PPM1B: variants seen among roughly 807,000 people sequenced by gnomAD.
PPM1B encodes protein phosphatase 1B.
A neutral mutation model predicts 43.0 loss-of-function variants in PPM1B; 22 were observed. The observed-to-expected ratio is 0.51, with a 90% CI of 0.37 to 0.73. The LOEUF (loss-of-function observed/expected upper bound fraction) is 0.73, where lower values mean the gene tolerates loss of function less well. Among genes scored for constraint, PPM1B ranks in the 30% least tolerant of loss-of-function variants. The pLI is 0.00. For missense variants in PPM1B, 632 were observed against 584.2 expected (o/e 1.08, Z -0.84); for synonymous variants, 217 against 197.9 (o/e 1.10, Z -0.81).
intron 3 of PPM1B, among the ~76,000 whole-genome samples, chr2:44,214,039 C>T (rs28524032): frequency 0.037 from 5,609 of 152,212 alleles, 327 homozygotes; most frequent in African/African-American, 0.12. Flanking sequence ...CCTCAAGGCA[C>T]CAGTTTCTTT....
chr2:44,172,818 G>A (rs1667409842), intron 1 of PPM1B, among the ~76,000 whole-genome samples: 1 of 152,126 alleles, frequency 6.6e-6, no homozygotes, highest in Non-Finnish European at 1.5e-5. Flanking sequence ...GAGGTGGGAG[G>A]ATCGCTTGAG....
chr2:44,239,506 A>G (rs370910729), downstream of PPM1B, among the ~76,000 whole-genome samples: 150 of 152,142 alleles, frequency 9.9e-4, 4 homozygotes, highest in South Asian at 0.025. Context: ...TGTTTAGGAA[A>G]TCATCCTCAT....
At chr2:44,194,074 A>G (rs1668538448) in intron 1 of PPM1B, among the ~76,000 whole-genome samples, 2 of 152,168 alleles carry the variant, frequency 1.3e-5, no homozygotes, top group Non-Finnish European at 2.9e-5. Context: ...TGGTTCATGA[A>G]TAGAATACTT....
chr2:44,218,150 TAAATC>T (rs1484939373), intron 4 of PPM1B, 72 bp downstream of exon 4: 22 of 1,131,498 alleles, frequency 1.9e-5, no homozygotes, highest in South Asian at 1.5e-4. Flanking sequence ...TAAAAAAACT[TAAATC>T]AGAAGTACAT....
At chr2:44,207,790 C>A (rs1669257885) in intron 2 of PPM1B, among the ~76,000 whole-genome samples, 1 of 151,802 alleles carries the variant, frequency 6.6e-6, no homozygotes, top group Non-Finnish European at 1.5e-5. Context: ...GCCATGATGC[C>A]CAGGCTGGTC....
chr2:44,222,794 C>T (rs1433227439), intron 5 of PPM1B, among the ~76,000 whole-genome samples: 2 of 152,062 alleles, frequency 1.3e-5, no homozygotes, highest in Non-Finnish European at 2.9e-5. Flanking sequence ...AATCATTTCC[C>T]ATTCTTTTGT....
chr2:44,195,672 G>C (rs1205013268), intron 1 of PPM1B, among the ~76,000 whole-genome samples: 2 of 152,190 alleles, frequency 1.3e-5, no homozygotes, highest in Admixed American at 6.5e-5. Flanking sequence ...GCAAGATCCT[G>C]TCTCTAAAAA....
chr2:44,191,745 A>C (rs1195140404), intron 1 of PPM1B, among the ~76,000 whole-genome samples: 2 of 152,080 alleles, frequency 1.3e-5, no homozygotes, highest in African/African-American at 4.8e-5. Flanking sequence ...AATTATATGC[A>C]TTTTTATTCT....
downstream of PPM1B, chr2:44,232,318 T>A: frequency 1.2e-6 from 2 of 1,606,362 alleles, no homozygotes; most frequent in Non-Finnish European, 1.7e-6. Context: ...TCCTGTAGGG[T>A]GCTGGAGATC....
chr2:44,193,305 G>T (rs1386421066), intron 1 of PPM1B, among the ~76,000 whole-genome samples: 1 of 152,146 alleles, frequency 6.6e-6, no homozygotes, highest in African/African-American at 2.4e-5. Flanking sequence ...TTTCCCTGAT[G>T]ATTAGTGAGG....
In PPM1B at chr2:44,218,537, G is replaced by T; in HGVS notation, c.1134G>T (p.Gly378=). The T allele has an allele frequency of 6.4e-7, 1 of 1,572,024 alleles. No individual in the cohort carries two copies. Among genetic ancestry groups the T allele is most frequent in the South Asian group, 1.2e-5 (1 of 83,988 alleles). Residue 378 remains glycine, a splice_region_variant and synonymous_variant, in exon 5 of 6, where the codon GGG becomes GGT. Coordinates refer to ENST00000282412, the MANE Select transcript of PPM1B (RefSeq NM_002706.6). ...TGAATCCACATAGAGAAAGTGATGG[G>T]GTAAGTTTTATTTTATTTCATAAGC... ...SRLNPHRESD[G]ASDEAEESGS... is the part of the protein sequence containing the mutation.
At chr2:44,228,953 C>T (rs1670349295) in intron 5 of PPM1B, among the ~76,000 whole-genome samples, 1 of 152,116 alleles carries the variant, frequency 6.6e-6, no homozygotes. Flanking sequence ...GAGGCCGATG[C>T]AGGCAGATCA....
At chr2:44,177,759 G>A (rs371184120) in intron 1 of PPM1B, among the ~76,000 whole-genome samples, 1 of 151,674 alleles carries the variant, frequency 6.6e-6, no homozygotes, top group Non-Finnish European at 1.5e-5. Context: ...ACTGTTTTAA[G>A]AGGTGTATGT....
At chr2:44,209,054 G>T (rs1192071275) in intron 2 of PPM1B, among the ~76,000 whole-genome samples, 156 bp from the exon 3 acceptor site, 1 of 152,144 alleles carries the variant, frequency 6.6e-6, no homozygotes, top group Non-Finnish European at 1.5e-5. Flanking sequence ...GTTTCTTCAA[G>T]TTGTGTTTTT....
intron 5 of PPM1B, chr2:44,230,180 T>C: frequency 2.8e-6 from 4 of 1,425,770 alleles, no homozygotes; most frequent in Non-Finnish European, 3.7e-6. Context: ...TTTAAATGAC[T>C]GTGAAATAAG....
chr2:44,217,871 T>C, intron 3 of PPM1B, 96 bp from the exon 4 acceptor site: 1 of 631,522 alleles, frequency 1.6e-6, no homozygotes, highest in Non-Finnish European at 2.5e-6. Context: ...TAATATATTT[T>C]AAAATAGGTA....
At chr2:44,229,893 CA>C (rs751548331) in intron 5 of PPM1B, 23 of 1,134,438 alleles carry the variant, frequency 2.0e-5, no homozygotes, top group African/African-American at 3.2e-5. Flanking sequence ...AAAATAAGAG[CA>C]AAAAGTAAAT....
intron 1 of PPM1B, among the ~76,000 whole-genome samples, chr2:44,195,907 C>T (rs888350291): frequency 6.6e-6 from 1 of 152,122 alleles, no homozygotes; most frequent in African/African-American, 2.4e-5. Context: ...ACTGGAGAGG[C>T]CACATACAGA....
At chr2:44,243,633 T>G (rs1033999603) in intron 5 of PPM1B, among the ~76,000 whole-genome samples, 8 of 152,212 alleles carry the variant, frequency 5.3e-5, no homozygotes, top group African/African-American at 1.9e-4. Flanking sequence ...TTTCTCATTA[T>G]TTGAAGTTGT....
Sources: allele counts gnomAD v4.1 joint callset (sites outside exome capture counted in the v4.1 genomes callset), GRCh38; gene constraint gnomAD v4.1.1; transcripts MANE v1.5; gene names NCBI Gene and HGNC (gene_info 2026-07-23, HGNC 2026-07-21).